CENPP: variants seen among roughly 807,000 people sequenced by gnomAD.
CENPP encodes centromere protein P.
CENPP carries 24 observed loss-of-function variants against 35.6 expected under a neutral mutation model. The observed-to-expected ratio is 0.67, with a 90% CI of 0.49 to 0.95. The LOEUF (loss-of-function observed/expected upper bound fraction) is 0.95. CENPP is among the 40% of genes least tolerant of loss of function. The pLI is 0.00. For synonymous variants in CENPP, 120 were observed against 125.5 expected (o/e 0.96, Z 0.29); for missense variants, 332 against 345.3 (o/e 0.96, Z 0.31).
chr9:92,532,789 T>C (rs898135607), intron 5 of CENPP, among the ~76,000 whole-genome samples: 1 of 152,164 alleles, frequency 6.6e-6, no homozygotes, highest in Non-Finnish European at 1.5e-5. Flanking sequence ...AGACTAGGTT[T>C]TCTGGATCCT....
At chr9:92,573,343 G>C (rs1850196670) in intron 5 of CENPP, among the ~76,000 whole-genome samples, 1 of 152,208 alleles carries the variant, frequency 6.6e-6, no homozygotes, top group South Asian at 2.1e-4. Context: ...CTGCAGGTCT[G>C]TTGGAGTTTG....
chr9:92,352,393 A>C (rs1439541364), intron 4 of CENPP, among the ~76,000 whole-genome samples: 1 of 148,430 alleles, frequency 6.7e-6, no homozygotes, highest in East Asian at 2.0e-4. Flanking sequence ...AACCAAAAAA[A>C]ACTAAGATAG....
At chr9:92,343,648 A>T (rs1272355907) in intron 3 of CENPP, among the ~76,000 whole-genome samples, 3 of 152,216 alleles carry the variant, frequency 2.0e-5, no homozygotes, top group African/African-American at 7.2e-5. Flanking sequence ...AGAGATTTGT[A>T]AGTTTTACAA....
chr9:92,470,191 C>G (rs549298055), intron 5 of CENPP, among the ~76,000 whole-genome samples: 48 of 152,144 alleles, frequency 3.2e-4, no homozygotes, highest in Non-Finnish European at 5.9e-4. Flanking sequence ...GATACTAATA[C>G]AGTAAAGAAA....
chr9:92,430,864 C>T (rs1371270939), intron 5 of CENPP, among the ~76,000 whole-genome samples: 4 of 152,030 alleles, frequency 2.6e-5, no homozygotes, highest in East Asian at 3.9e-4. Context: ...GGCACGATCT[C>T]GGCTCACTGC....
At chr9:92,510,710 A>T (rs1847280576) in intron 5 of CENPP, among the ~76,000 whole-genome samples, 1 of 152,234 alleles carries the variant, frequency 6.6e-6, no homozygotes, top group African/African-American at 2.4e-5. Context: ...TCACTTCTCC[A>T]GTGATCATAT....
intron 5 of CENPP, among the ~76,000 whole-genome samples, chr9:92,479,219 C>T (rs1564344769): frequency 6.6e-6 from 1 of 152,192 alleles, no homozygotes. Flanking sequence ...GGGCTGCTGA[C>T]CAGTCCCCCA....
chr9:92,595,637 C>A (rs1469292643), intron 5 of CENPP, among the ~76,000 whole-genome samples: 1 of 151,912 alleles, frequency 6.6e-6, no homozygotes, highest in Non-Finnish European at 1.5e-5. Flanking sequence ...ACCATCTCGG[C>A]TCACTGCAAC....
chr9:92,367,630 T>G (rs1427274645), intron 4 of CENPP, among the ~76,000 whole-genome samples: 1 of 152,192 alleles, frequency 6.6e-6, no homozygotes, highest in East Asian at 1.9e-4. Context: ...TTTTATTTAT[T>G]TTTTGAGATG....
At chr9:92,447,103 C>T (rs1564324520) in intron 5 of CENPP, among the ~76,000 whole-genome samples, 1 of 152,054 alleles carries the variant, frequency 6.6e-6, no homozygotes, top group Non-Finnish European at 1.5e-5. Flanking sequence ...TAGCGGACCC[C>T]AGACTTTTTG....
intron 5 of CENPP, among the ~76,000 whole-genome samples, chr9:92,546,460 C>T (rs1315439057): frequency 9.2e-5 from 14 of 152,294 alleles, no homozygotes; most frequent in Admixed American, 7.2e-4. Flanking sequence ...CAGCTTCGCT[C>T]CTGAAGCCAG....
intron 5 of CENPP, chr9:92,403,272 C>G: frequency 1.2e-6 from 2 of 1,602,752 alleles, no homozygotes; most frequent in South Asian, 1.1e-5. Context: ...TCCTCATAAT[C>G]TTGGCTAAAT....
intron 5 of CENPP, among the ~76,000 whole-genome samples, chr9:92,411,905 G>A (rs1347008175): frequency 1.3e-5 from 2 of 152,060 alleles, no homozygotes; most frequent in Non-Finnish European, 2.9e-5. Context: ...TATGGTATCT[G>A]TGCTTATACA....
intron 5 of CENPP, among the ~76,000 whole-genome samples, chr9:92,420,635 G>A (rs779455201): frequency 1.7e-4 from 26 of 152,108 alleles, no homozygotes; most frequent in Admixed American, 2.6e-4. Context: ...TTTGGGTGAT[G>A]ACCTTGCTTC....
At chr9:92,357,461 CATTATTATT>C (rs36222751) in intron 4 of CENPP, among the ~76,000 whole-genome samples, 5,951 of 143,402 alleles carry the variant, frequency 0.041, 185 homozygotes, top group African/African-American at 0.077. Flanking sequence ...TCATCTCCCT[CATTATTATT>C]ATTATTATTA....
At chr9:92,576,307 G>A (rs1441165954) in intron 5 of CENPP, among the ~76,000 whole-genome samples, 1 of 152,186 alleles carries the variant, frequency 6.6e-6, no homozygotes, top group Non-Finnish European at 1.5e-5. Context: ...AGTCTAAATA[G>A]GAGAGATTTA....
At chr9:92,551,543 G>C (rs1849587319) in intron 5 of CENPP, among the ~76,000 whole-genome samples, 1 of 151,848 alleles carries the variant, frequency 6.6e-6, no homozygotes, top group African/African-American at 2.4e-5. Context: ...TTTTCCATAA[G>C]TTATTGGGGT....
chr9:92,456,095 A>G (rs1287628242), intron 5 of CENPP: 1 of 152,210 alleles, frequency 6.6e-6, no homozygotes, highest in Non-Finnish European at 1.5e-5. Context: ...AAAAAGTAAT[A>G]ATAATTGACA....
At chr9:92,496,081 G>A in intron 5 of CENPP, 1 of 1,142,210 alleles carries the variant, frequency 8.8e-7, no homozygotes, top group Non-Finnish European at 1.1e-6. Flanking sequence ...TAGTGAGATG[G>A]CCTCTTTCTA....
Sources: allele counts gnomAD v4.1 joint callset (sites outside exome capture counted in the v4.1 genomes callset), GRCh38; gene constraint gnomAD v4.1.1; transcripts MANE v1.5; gene names NCBI Gene and HGNC (gene_info 2026-07-23, HGNC 2026-07-21).